The following UNC79 variants were observed in gnomAD, a reference collection of about 807,000 sequenced individuals.
UNC79 encodes the protein unc-79 subunit of NALCN channel complex, also known as protein unc-79 homolog.
A neutral mutation model predicts 283.1 loss-of-function variants in UNC79; 37 were observed. The ratio of observed to expected loss-of-function variants is 0.13; its 90% CI spans 0.10 to 0.17. UNC79 has a LOEUF of 0.17. Ranked by LOEUF, UNC79 falls within the 10% of genes least tolerant of loss-of-function variation. The pLI, the probability that UNC79 is intolerant of heterozygous loss-of-function variation, is 1.00. For synonymous variants in UNC79, 1,107 were observed against 1,200.2 expected (o/e 0.92, Z 1.61); for missense variants, 2,272 against 3,211.1 (o/e 0.71, Z 7.07).
rs547737933 is a variant in UNC79 at position 93,442,348 on chromosome 14, C to T, written c.22+11297C>T. Reference sequence around the variant, plus strand: ...ATGTTGGGTGTTTTTTGCTTATCTTCTGTAGGATCATTTTCTACTGTACGT... The same window carrying T: ...ATGTTGGGTGTTTTTTGCTTATCTTTTGTAGGATCATTTTCTACTGTACGT... On this transcript the variant is annotated intron_variant, in intron 1 of 48. Coordinates refer to ENST00000555664, the Ensembl canonical transcript of UNC79. Among the ~76,000 whole-genome samples the T allele has an allele frequency of 7.2e-5, 11 of 152,154 alleles. 1 individual carries two copies. The highest frequency in any genetic ancestry group is 6.5e-4 in the Admixed American group (10 of 15,288).
intron 1 of UNC79, among the ~76,000 whole-genome samples, chr14:93,461,847 T>C (rs2056972083): frequency 6.6e-6 from 1 of 151,640 alleles, no homozygotes; most frequent in Admixed American, 6.6e-5. Context: ...AAGACCTCCA[T>C]AATGAGGAAG....
intron 31 of UNC79, among the ~76,000 whole-genome samples, chr14:93,636,750 T>G (rs185547905): frequency 7.0e-4 from 107 of 152,280 alleles, no homozygotes; most frequent in African/African-American, 2.5e-3. Flanking sequence ...CTCCCCCTTA[T>G]TCCTGTTCCC....
intron 43 of UNC79, 114 bp downstream of exon 46, chr14:93,686,775 T>C: frequency 1.8e-6 from 2 of 1,122,578 alleles, no homozygotes; most frequent in Non-Finnish European, 1.3e-6. Flanking sequence ...CGTGGCACTG[T>C]TGAATGAGCC....
At chr14:93,395,356 C>T (rs1047133683) in intron 1 of UNC79, among the ~76,000 whole-genome samples, 3 of 152,150 alleles carry the variant, frequency 2.0e-5, no homozygotes, top group Non-Finnish European at 2.9e-5. Flanking sequence ...ACTCACAGTT[C>T]CATAAGCTGT....
chr14:93,562,498 G>A (rs1474280944), intron 14 of UNC79, among the ~76,000 whole-genome samples: 1 of 152,156 alleles, frequency 6.6e-6, no homozygotes, highest in Admixed American at 6.5e-5. Flanking sequence ...TTCTGAGAAG[G>A]GCAAGAGGTA....
chr14:93,377,452 A>G (rs1382263684), intron 1 of UNC79, among the ~76,000 whole-genome samples: 3 of 152,168 alleles, frequency 2.0e-5, no homozygotes, highest in Non-Finnish European at 4.4e-5. Context: ...GCTTCAAAAG[A>G]GCAACCACAA....
At chr14:93,657,015 G>T (rs567285095) in intron 38 of UNC79, among the ~76,000 whole-genome samples, 2 of 152,320 alleles carry the variant, frequency 1.3e-5, no homozygotes, top group East Asian at 3.9e-4. Flanking sequence ...CTACTAATAG[G>T]TCTGTAAGGG....
At chr14:93,434,643 G>C (rs2056013913) in intron 1 of UNC79, among the ~76,000 whole-genome samples, 1 of 152,114 alleles carries the variant, frequency 6.6e-6, no homozygotes, top group African/African-American at 2.4e-5. Flanking sequence ...ACTGCTGCCT[G>C]GGTTTGAATC....
intron 4 of UNC79, among the ~76,000 whole-genome samples, chr14:93,482,698 A>G (rs983380569): frequency 2.0e-5 from 3 of 152,146 alleles, no homozygotes; most frequent in Non-Finnish European, 2.9e-5. Context: ...TCATTTCAGT[A>G]TATCCCCATT....
intron 1 of UNC79, among the ~76,000 whole-genome samples, chr14:93,413,774 C>G (rs76771866): frequency 7.8e-6 from 1 of 128,424 alleles, no homozygotes; most frequent in Non-Finnish European, 1.7e-5. Flanking sequence ...TCTCTGATAG[C>G]CAGTGATGGT....
chr14:93,333,249 C>A lies in UNC79; in HGVS notation c.-625C>A. ...TGCTCGTCGGCTGGGAGCCGGGCGT[C>A]GGGTCGCTGGGAGTTTGCCTCTTGT... On this transcript the variant is annotated 5_prime_UTR_variant, in exon 1 of 50. Coordinates refer to the UNC79 transcript ENST00000256339. 3 of 402,192 alleles carry A rather than the reference C, an allele frequency of 7.5e-6. No homozygotes were observed. In the East Asian group the frequency reaches 1.1e-4, roughly 14 times the overall value. 24.9% of individuals were successfully genotyped at this position (402,192 alleles called of 1,614,324 possible). A position where few individuals can be genotyped will look rare whatever the true frequency, so the allele number is the denominator to read the frequency against.
chr14:93,483,786 G>A (rs990686492), intron 4 of UNC79, among the ~76,000 whole-genome samples: 16 of 151,328 alleles, frequency 1.1e-4, no homozygotes, highest in Admixed American at 4.6e-4. Context: ...GAGAACATGC[G>A]GTGTTTGGTT....
intron 1 of UNC79, among the ~76,000 whole-genome samples, chr14:93,343,458 T>G (rs2053756658): frequency 6.6e-6 from 1 of 152,242 alleles, no homozygotes; most frequent in Non-Finnish European, 1.5e-5. Context: ...TATCTGAGTA[T>G]CTCGATCATT....
chr14:93,350,707 T>TTA (rs1204427417), intron 1 of UNC79, among the ~76,000 whole-genome samples: 1 of 152,072 alleles, frequency 6.6e-6, no homozygotes, highest in Non-Finnish European at 1.5e-5. Flanking sequence ...TTTAAAAACT[T>TTA]CTTAGATTCG....
intron 1 of UNC79, among the ~76,000 whole-genome samples, chr14:93,357,806 T>G (rs1463728232): frequency 2.4e-5 from 3 of 124,030 alleles, no homozygotes; most frequent in Non-Finnish European, 3.4e-5. Flanking sequence ...TATGGATATA[T>G]GGATATATAT....
chr14:93,429,772 G>C (rs1443991831), upstream of UNC79, among the ~76,000 whole-genome samples: 1 of 152,160 alleles, frequency 6.6e-6, no homozygotes, highest in Non-Finnish European at 1.5e-5. Flanking sequence ...TAAACTATTT[G>C]AATGAAGAAT....
chr14:93,648,768 G>A (rs1192015050), intron 35 of UNC79, among the ~76,000 whole-genome samples: 1 of 152,146 alleles, frequency 6.6e-6, no homozygotes, highest in Non-Finnish European at 1.5e-5. Flanking sequence ...ACATAGTTAT[G>A]GAAAGAGCAT....
At chr14:93,476,805 T>A (rs1157672625) in intron 3 of UNC79, among the ~76,000 whole-genome samples, 1 of 152,160 alleles carries the variant, frequency 6.6e-6, no homozygotes, top group African/African-American at 2.4e-5. Context: ...TTTTGTTGCA[T>A]CTCCTTTATT....
At chr14:93,595,507 C>T (rs2065014094) in intron 23 of UNC79, among the ~76,000 whole-genome samples, 1 of 152,024 alleles carries the variant, frequency 6.6e-6, no homozygotes, top group Admixed American at 6.6e-5. Flanking sequence ...CTGCAGGCAG[C>T]CTCATTTCCT....
Sources: gnomAD v4.1 joint callset for allele counts (sites outside exome capture counted in the v4.1 genomes callset) on GRCh38, gnomAD v4.1.1 for gene constraint, MANE v1.5 for transcripts, NCBI Gene and HGNC (gene_info 2026-07-23, HGNC 2026-07-21) for gene names.